Variants in LRRC28 observed in about 807,000 individuals in gnomAD.
The protein encoded by LRRC28 is leucine rich repeat containing 28, also known as leucine-rich repeat-containing protein 28.
In LRRC28, 39 loss-of-function variants were observed where a neutral mutation model predicts 45.7. The observed-to-expected ratio is 0.85, with a 90% CI of 0.66 to 1.12. The LOEUF is 1.12. Among genes scored for constraint, LRRC28 ranks in the 50% most tolerant of loss-of-function variants. The pLI is 0.00. For synonymous variants in LRRC28, 206 were observed against 178.8 expected (o/e 1.15, Z -1.22); for missense variants, 435 against 438.5 (o/e 0.99, Z 0.07).
intron 5 of LRRC28, among the ~76,000 whole-genome samples, chr15:99,295,185 A>G (rs1351089568): frequency 2.0e-5 from 3 of 152,028 alleles, no homozygotes; most frequent in Non-Finnish European, 4.4e-5. Flanking sequence ...TACTGATCCG[A>G]TTGCTTCCCT....
intron 9 of LRRC28, among the ~76,000 whole-genome samples, chr15:99,374,357 T>A (rs1957565595): frequency 6.6e-6 from 1 of 152,244 alleles, no homozygotes; most frequent in South Asian, 2.1e-4. Flanking sequence ...TTTGTGTGCT[T>A]GTAAATGATA....
chr15:99,348,968 G>C (rs1020066371), intron 6 of LRRC28, among the ~76,000 whole-genome samples: 2 of 151,608 alleles, frequency 1.3e-5, no homozygotes, highest in East Asian at 3.9e-4. Context: ...GTTTTTTATA[G>C]TTTTCAGTGT....
In LRRC28 at chr15:99,363,230, C is replaced by T; in HGVS notation, c.996C>T (p.Pro332=). The T allele has an allele frequency of 6.2e-7, 1 of 1,614,028 alleles. No homozygotes were observed. The highest frequency in any genetic ancestry group is 8.5e-7 in the Non-Finnish European group (1 of 1,179,904). ...MFTIVYPKLF[P]LRETPMAGLH... is the part of the protein sequence containing the mutation. ...CCATCGTCTACCCCAAGCTCTTTCC[C>T]TTGAGAGAGACGCCAATGGCAGGGC... The change falls in exon 9 of 10, where the codon CCC becomes CCT. Residue 332 remains proline (P), a synonymous_variant. Coordinates refer to ENST00000301981, the MANE Select transcript of LRRC28 (RefSeq NM_144598.5).
intron 2 of LRRC28, among the ~76,000 whole-genome samples, chr15:99,263,085 G>A (rs193170024): frequency 0.018 from 2,710 of 151,150 alleles, 36 homozygotes; most frequent in Non-Finnish European, 0.029. Context: ...TGAGGCAGGC[G>A]GATCACTTGA....
intron 2 of LRRC28, 40 bp from the exon 3 acceptor site, chr15:99,276,536 T>C: frequency 6.6e-7 from 1 of 1,504,266 alleles, no homozygotes; most frequent in South Asian, 1.3e-5. Context: ...TTTAGACATT[T>C]TTCAAAAATA....
intron 9 of LRRC28, among the ~76,000 whole-genome samples, chr15:99,376,922 A>G (rs563990589): frequency 1.2e-4 from 18 of 152,062 alleles, no homozygotes; most frequent in Admixed American, 7.9e-4. Context: ...TATGTGCCAC[A>G]TTTTCTTAAT....
At position 99,387,850 on chromosome 15, in the gene LRRC28, C is replaced by A. The variant is rs1958073329; in HGVS notation, c.*1748C>A. On this transcript the variant is annotated 3_prime_UTR_variant, in exon 10 of 10. Transcript: ENST00000301981. ...TGCCCTGACTTTATAATGCTACGCT[C>A]TTAACAGTGCCAAAAATCCTACATA... The A allele has an allele frequency of 6.6e-6, 1 of 152,108 alleles. No homozygotes were observed. Among genetic ancestry groups the A allele is most frequent in the South Asian group, 2.1e-4 (1 of 4,824 alleles). 9.4% of individuals were successfully genotyped at this position (152,108 alleles called of 1,614,324 possible).
chr15:99,358,897 G>A (rs1957121497), intron 7 of LRRC28, among the ~76,000 whole-genome samples: 1 of 152,064 alleles, frequency 6.6e-6, no homozygotes, highest in Non-Finnish European at 1.5e-5. Context: ...GACCAACATG[G>A]TGAAACCCCG....
intron 6 of LRRC28, among the ~76,000 whole-genome samples, chr15:99,347,876 A>G (rs1956745491): frequency 6.6e-6 from 1 of 152,156 alleles, no homozygotes. Context: ...TAATGGCTGC[A>G]CCAATCTACA....
chr15:99,304,959 T>G (rs1343656341), intron 5 of LRRC28, among the ~76,000 whole-genome samples: 1 of 152,232 alleles, frequency 6.6e-6, no homozygotes, highest in Non-Finnish European at 1.5e-5. Context: ...ACAATGTGCC[T>G]CTTTTCAACA....
At chr15:99,304,034 G>GAT (rs1230937301) in intron 5 of LRRC28, among the ~76,000 whole-genome samples, 1 of 152,176 alleles carries the variant, frequency 6.6e-6, no homozygotes, top group Non-Finnish European at 1.5e-5. Flanking sequence ...AACCTGTACG[G>GAT]ATATACTAGG....
intron 9 of LRRC28, among the ~76,000 whole-genome samples, chr15:99,364,604 C>A (rs73464676): frequency 1.6e-3 from 236 of 152,200 alleles, no homozygotes; most frequent in African/African-American, 5.4e-3. Flanking sequence ...AAAATAGATA[C>A]GTTTATGAGA....
At chr15:99,280,257 C>T (rs2152187113) in intron 3 of LRRC28, among the ~76,000 whole-genome samples, 1 of 151,880 alleles carries the variant, frequency 6.6e-6, no homozygotes, top group African/African-American at 2.4e-5. Context: ...GTGTTTTCAT[C>T]CTGTTTATGT....
intron 9 of LRRC28, among the ~76,000 whole-genome samples, chr15:99,369,849 A>G (rs1957434739): frequency 6.6e-6 from 1 of 152,142 alleles, no homozygotes; most frequent in African/African-American, 2.4e-5. Flanking sequence ...TTCTTCCCAT[A>G]TTGCTGGGTT....
rs187392044 is a variant in LRRC28, at chr15:99,360,533, T to C, written c.696-803T>C. 4.6e-3 allele frequency among the ~76,000 whole-genome samples: 697 copies of C among 152,292 alleles called. 6 individuals are homozygous for C. The highest frequency in any genetic ancestry group is 0.016 in the African/African-American group (648 of 41,546). On this transcript the variant is annotated intron_variant, in intron 7 of 9. Transcript: ENST00000301981. ...AAGAAACTTTTAAAAAATAAATGAA[T>C]CAAGGGCTTCTGGCTTCCAGTCCTG...
chr15:99,294,781 G>A (rs1342212155), intron 5 of LRRC28, among the ~76,000 whole-genome samples: 1 of 152,176 alleles, frequency 6.6e-6, no homozygotes, highest in Non-Finnish European at 1.5e-5. Flanking sequence ...GAATTTAGAG[G>A]TGGGGACACA....
At chr15:99,365,566 G>C (rs191178578) in intron 9 of LRRC28, among the ~76,000 whole-genome samples, 1 of 152,304 alleles carries the variant, frequency 6.6e-6, no homozygotes, top group East Asian at 1.9e-4. Context: ...CCAAATACTT[G>C]AATCTCCAGT....
intron 9 of LRRC28, among the ~76,000 whole-genome samples, chr15:99,379,795 T>G (rs1957761399): frequency 6.6e-6 from 1 of 152,256 alleles, no homozygotes; most frequent in Non-Finnish European, 1.5e-5. Context: ...CATTTCGTTA[T>G]GTACCCAGTA....
chr15:99,311,039 G>A (rs1424941938), intron 5 of LRRC28, among the ~76,000 whole-genome samples: 5 of 151,752 alleles, frequency 3.3e-5, no homozygotes, highest in African/African-American at 7.3e-5. Context: ...TGGGGAACCT[G>A]CCGTTGGTGT....
Sources: gnomAD v4.1 joint callset for allele counts (sites outside exome capture counted in the v4.1 genomes callset) on GRCh38, gnomAD v4.1.1 for gene constraint, MANE v1.5 for transcripts, NCBI Gene and HGNC (gene_info 2026-07-23, HGNC 2026-07-21) for gene names.